The following STK39 variants were observed in gnomAD, a reference collection of about 807,000 sequenced individuals.
STK39 encodes STE20/SPS1-related proline-alanine-rich protein kinase.
Under a neutral mutation model 77.8 loss-of-function variants are expected in STK39, and 20 were observed. The observed-to-expected ratio is 0.26, with a 90% CI of 0.18 to 0.37. STK39 has a LOEUF of 0.37. STK39 is among the 10% of genes least tolerant of loss of function. The probability of loss-of-function intolerance (pLI) is 1.00; values close to 1 mark genes in which losing one functional copy is unlikely to be tolerated. For synonymous variants in STK39, 246 were observed against 234.1 expected (o/e 1.05, Z -0.47); for missense variants, 479 against 656.5 (o/e 0.73, Z 2.95).
At chr2:168,197,472 T>A (rs900780665) in intron 1 of STK39, among the ~76,000 whole-genome samples, 1 of 151,818 alleles carries the variant, frequency 6.6e-6, no homozygotes, top group Non-Finnish European at 1.5e-5. Context: ...ACCTCCAACA[T>A]CAGGAACAAG....
At chr2:168,087,047 G>A (rs1686386365) in intron 10 of STK39, among the ~76,000 whole-genome samples, 1 of 152,334 alleles carries the variant, frequency 6.6e-6, no homozygotes, top group African/African-American at 2.4e-5. Flanking sequence ...TGTAACTTTA[G>A]CTAATAAAGA....
intron 14 of STK39, among the ~76,000 whole-genome samples, chr2:168,052,183 G>A (rs950568186): frequency 5.9e-5 from 9 of 152,110 alleles, no homozygotes; most frequent in African/African-American, 1.9e-4. Flanking sequence ...GAATGCTCGC[G>A]CAAGGCCCTT....
intron 15 of STK39, among the ~76,000 whole-genome samples, chr2:168,013,255 T>C (rs887809987): frequency 9.2e-5 from 14 of 152,232 alleles, no homozygotes; most frequent in Non-Finnish European, 5.9e-5. Flanking sequence ...AACAGATACA[T>C]TGTCTTAGAA....
intron 10 of STK39, among the ~76,000 whole-genome samples, chr2:168,080,956 G>A (rs1156896598): frequency 6.6e-6 from 1 of 152,234 alleles, no homozygotes; most frequent in East Asian, 1.9e-4. Flanking sequence ...CAAGAACTGG[G>A]AACCTCTGCC....
rs553007397 is a variant in STK39, at chr2:168,020,676, A to C, written c.1377-3581T>G. On this transcript the variant is annotated intron_variant, in intron 14 of 17. Coordinates refer to ENST00000355999, the MANE Select transcript of STK39 (RefSeq NM_013233.3). ...TGTATCATATATAATCATTTATTAT[A>C]TATCATATATAATCTCATTTAATTC... Among the ~76,000 whole-genome samples, 17 of 150,960 alleles carry C rather than the reference A, an allele frequency of 1.1e-4. No homozygotes were observed. The East Asian group carries it at 3.1e-3, about 28-fold the overall frequency.
intron 1 of STK39, among the ~76,000 whole-genome samples, chr2:168,235,039 AT>A (rs556244576): frequency 0.34 from 48,474 of 140,846 alleles, 8,095 homozygotes; most frequent in Non-Finnish European, 0.42. Flanking sequence ...TGAGTCAATA[AT>A]TTTTTTTTTT....
intron 14 of STK39, among the ~76,000 whole-genome samples, chr2:168,056,518 T>C (rs768491448): frequency 2.0e-5 from 3 of 152,176 alleles, no homozygotes; most frequent in Admixed American, 6.5e-5. Flanking sequence ...TCCTACCTAC[T>C]AGCCTGTGGA....
At chr2:168,162,454 A>AC (rs1265215344) in intron 4 of STK39, among the ~76,000 whole-genome samples, 2 of 152,120 alleles carry the variant, frequency 1.3e-5, no homozygotes, top group African/African-American at 4.8e-5. Context: ...CTTCAGAGTT[A>AC]GACACTGCCC....
At chr2:168,053,600 G>A (rs1472732318) in intron 14 of STK39, among the ~76,000 whole-genome samples, 1 of 152,072 alleles carries the variant, frequency 6.6e-6, no homozygotes, top group Non-Finnish European at 1.5e-5. Flanking sequence ...GAAAGTATTT[G>A]TACTCACAAT....
In STK39 at chr2:168,129,813, T is replaced by C. The variant is rs904853548; in HGVS notation, c.975-55A>G. ...AACAATGACCACTTAATAAATGCAC[T>C]GCCTTGATGAAACAACTTAACCTTA... On this transcript the variant is annotated intron_variant, in intron 8 of 17. Transcript: ENST00000355999. 5.1e-6 allele frequency: 8 copies of C among 1,583,620 alleles called. No individual in the cohort carries two copies. The African/African-American group carries it at 1.1e-4, about 21-fold the overall frequency.
At chr2:168,011,848 TATCTA>T (rs1684278941) in intron 16 of STK39, among the ~76,000 whole-genome samples, 1 of 152,236 alleles carries the variant, frequency 6.6e-6, no homozygotes, top group African/African-American at 2.4e-5. Flanking sequence ...TTCATTTCCT[TATCTA>T]TACAGTGAAA....
At chr2:167,968,480 C>T (rs902310196) in intron 16 of STK39, among the ~76,000 whole-genome samples, 2 of 152,138 alleles carry the variant, frequency 1.3e-5, no homozygotes. Context: ...TCACAACAAC[C>T]CCATGTTCTG....
intron 14 of STK39, among the ~76,000 whole-genome samples, chr2:168,037,311 A>C (rs1267633567): frequency 6.6e-6 from 1 of 152,224 alleles, no homozygotes; most frequent in Non-Finnish European, 1.5e-5. Flanking sequence ...AATGATAGCA[A>C]TAATTCAGTC....
intron 10 of STK39, among the ~76,000 whole-genome samples, chr2:168,107,531 T>C (rs946809393): frequency 6.6e-6 from 1 of 152,200 alleles, no homozygotes; most frequent in Non-Finnish European, 1.5e-5. Flanking sequence ...AGCTCAAATA[T>C]CTCTTATCAG....
At chr2:168,066,890 G>GT (rs1210481142) in intron 12 of STK39, among the ~76,000 whole-genome samples, 1 of 152,242 alleles carries the variant, frequency 6.6e-6, no homozygotes, top group Non-Finnish European at 1.5e-5. Context: ...AGGGAATACA[G>GT]TTTGGATATT....
chr2:168,193,528 G>C (rs1358578364), intron 1 of STK39, among the ~76,000 whole-genome samples: 2 of 152,212 alleles, frequency 1.3e-5, no homozygotes, highest in African/African-American at 4.8e-5. Flanking sequence ...CACCTGCTAA[G>C]CCCCGGTGGA....
chr2:168,122,282 G>A (rs377191763), intron 10 of STK39, among the ~76,000 whole-genome samples: 11 of 152,178 alleles, frequency 7.2e-5, no homozygotes, highest in South Asian at 2.1e-4. Context: ...GAGAACATGC[G>A]GCATTTGGTT....
intron 10 of STK39, among the ~76,000 whole-genome samples, chr2:168,098,268 G>GC (rs1416046003): frequency 1.3e-5 from 2 of 152,172 alleles, no homozygotes; most frequent in African/African-American, 2.4e-5. Context: ...GAAGACAACT[G>GC]CAAGTGCCCA....
chr2:168,066,669 C>A (rs915214523), intron 12 of STK39, among the ~76,000 whole-genome samples: 3 of 152,202 alleles, frequency 2.0e-5, no homozygotes, highest in African/African-American at 7.2e-5. Context: ...TTCTCTTTCC[C>A]CTGGGAAGAC....
Sources: gnomAD v4.1 joint callset for allele counts (sites outside exome capture counted in the v4.1 genomes callset) on GRCh38, gnomAD v4.1.1 for gene constraint, MANE v1.5 for transcripts, NCBI Gene and HGNC (gene_info 2026-07-23, HGNC 2026-07-21) for gene names.